Variants in MPRIP observed in about 807,000 individuals in gnomAD.
The protein encoded by MPRIP is myosin phosphatase Rho-interacting protein.
A neutral mutation model predicts 234.9 loss-of-function variants in MPRIP; 59 were observed. The ratio of observed to expected loss-of-function variants is 0.25; its 90% CI spans 0.20 to 0.31. The LOEUF (loss-of-function observed/expected upper bound fraction) is 0.31, where lower values mean the gene tolerates loss of function less well. Ranked by LOEUF, MPRIP falls within the 10% of genes least tolerant of loss-of-function variation. The pLI is 1.00. For synonymous variants in MPRIP, 1,144 were observed against 1,263.9 expected (o/e 0.91, Z 2.01); for missense variants, 2,436 against 3,071.0 (o/e 0.79, Z 4.89).
At chr17:17,126,957 C>T (rs1407510275) in intron 4 of MPRIP, 104 bp downstream of exon 4, 12 of 1,371,756 alleles carry the variant, frequency 8.7e-6, no homozygotes, top group African/African-American at 2.9e-5. Flanking sequence ...TCTACTTCCC[C>T]GTGTGCCTCT....
At chr17:17,046,770 T>C (rs1419869124) in intron 1 of MPRIP, among the ~76,000 whole-genome samples, 1 of 152,252 alleles carries the variant, frequency 6.6e-6, no homozygotes, top group Admixed American at 6.5e-5. Flanking sequence ...ATTTAGTGTC[T>C]GTGGGCTATA....
At chr17:17,073,208 G>C (rs1051522045) in intron 1 of MPRIP, among the ~76,000 whole-genome samples, 10 of 152,036 alleles carry the variant, frequency 6.6e-5, no homozygotes, top group Admixed American at 2.6e-4. Flanking sequence ...TCCACCCAGA[G>C]GCCCTACATC....
rs369269212 is a variant in MPRIP, at chr17:17,154,030, G to A, written c.1720-276G>A. 8.4e-4 allele frequency among the ~76,000 whole-genome samples: 127 copies of A among 150,974 alleles called. No homozygotes were observed. In the East Asian group the frequency reaches 9.6e-3, roughly 11 times the overall value. On this transcript the variant is annotated intron_variant, in intron 12 of 23. Coordinates refer to ENST00000651222, the MANE Select transcript of MPRIP (RefSeq NM_001364716.4). ...GTCTGAGTGGACAGGCTGCTGGTGC[G>A]TAGTGGGTGCTCAGTAACTGTGAGC... is the stretch of plus-strand genomic sequence containing the variant.
At position 17,090,283 on chromosome 17, in the gene MPRIP, G is replaced by A. The variant is rs1462623426; in HGVS notation, c.267+12207G>A. 5.3e-5 allele frequency among the ~76,000 whole-genome samples: 8 copies of A among 152,314 alleles called. No individual in the cohort carries two copies. The East Asian group carries it at 1.5e-3, about 29-fold the overall frequency. On this transcript the variant is annotated intron_variant, in intron 3 of 23. Coordinates refer to ENST00000651222, the MANE Select transcript of MPRIP (RefSeq NM_001364716.4). ...ACCTCCAACCAGCCGCACTAAGGCA[G>A]GCTTGTCCCGCAGGGGCAGAAGGGT... is the stretch of plus-strand genomic sequence containing the variant.
At chr17:17,073,688 G>A (rs1377802206) in intron 1 of MPRIP, among the ~76,000 whole-genome samples, 1 of 152,086 alleles carries the variant, frequency 6.6e-6, no homozygotes, top group East Asian at 1.9e-4. Flanking sequence ...AAGGCCTCTG[G>A]GTGGGGTCTG....
intron 1 of MPRIP, among the ~76,000 whole-genome samples, chr17:17,074,651 C>T (rs2144033178): frequency 6.6e-6 from 1 of 152,326 alleles, no homozygotes; most frequent in Admixed American, 6.5e-5. Context: ...ATTTCCTTTC[C>T]TCCAGTCCCT....
At chr17:17,132,910 GAGAA>G (rs2090625560) in intron 5 of MPRIP, among the ~76,000 whole-genome samples, 1 of 152,220 alleles carries the variant, frequency 6.6e-6, no homozygotes, top group Admixed American at 6.5e-5. Flanking sequence ...CCCAGTTGGA[GAGAA>G]ACAAAAAAAT....
At chr17:17,111,183 G>T (rs1461030510) in intron 3 of MPRIP, among the ~76,000 whole-genome samples, 2 of 139,624 alleles carry the variant, frequency 1.4e-5, no homozygotes, top group Admixed American at 1.4e-4. Flanking sequence ...AAACCTCTAG[G>T]CACAGTGTCG....
intron 3 of MPRIP, among the ~76,000 whole-genome samples, chr17:17,123,471 T>A (rs1292778003): frequency 6.6e-6 from 1 of 152,126 alleles, no homozygotes; most frequent in African/African-American, 2.4e-5. Flanking sequence ...GAGACCAGCC[T>A]GGCCAACATG....
At chr17:17,124,913 C>T (rs1325817936) in intron 3 of MPRIP, among the ~76,000 whole-genome samples, 2 of 152,196 alleles carry the variant, frequency 1.3e-5, no homozygotes, top group Admixed American at 1.3e-4. Flanking sequence ...CCAGGACCCC[C>T]ACCTTGGGCA....
chr17:17,043,950 G>C (rs1339159471), intron 1 of MPRIP, among the ~76,000 whole-genome samples: 1 of 152,184 alleles, frequency 6.6e-6, no homozygotes, highest in East Asian at 1.9e-4. Flanking sequence ...GTGTGACCTA[G>C]TTGTAGCCAC....
At chr17:17,072,845 C>T (rs945559024) in intron 1 of MPRIP, among the ~76,000 whole-genome samples, 8 of 152,116 alleles carry the variant, frequency 5.3e-5, no homozygotes, top group Non-Finnish European at 1.2e-4. Flanking sequence ...GCATCAGCTG[C>T]GCCCCTGCCC....
intron 21 of MPRIP, 123 bp from the exon 22 acceptor site, chr17:17,177,127 A>G (rs2046272063): frequency 2.1e-6 from 2 of 972,138 alleles, no homozygotes; most frequent in Non-Finnish European, 3.2e-6. Flanking sequence ...AGAGGTGAAC[A>G]AGCCTCCTCT....
chr17:17,102,689 C>CA (rs1474478747), intron 3 of MPRIP, among the ~76,000 whole-genome samples: 1 of 152,192 alleles, frequency 6.6e-6, no homozygotes, highest in African/African-American at 2.4e-5. Context: ...GACACAGGTA[C>CA]CCCTCACTCT....
chr17:17,073,615 C>T (rs1003622214), intron 1 of MPRIP, among the ~76,000 whole-genome samples: 1 of 152,072 alleles, frequency 6.6e-6, no homozygotes, highest in Non-Finnish European at 1.5e-5. Context: ...GGTGAGAGGC[C>T]GAGCTGGGAG....
At chr17:17,159,964 G>A (rs146689734) in intron 14 of MPRIP, among the ~76,000 whole-genome samples, 3 of 152,294 alleles carry the variant, frequency 2.0e-5, no homozygotes, top group African/African-American at 7.2e-5. Context: ...ACAAAGGCAA[G>A]ATGAAATAAA....
At chr17:17,081,264 A>G (rs139189991) in intron 3 of MPRIP, among the ~76,000 whole-genome samples, 44 of 152,302 alleles carry the variant, frequency 2.9e-4, no homozygotes, top group African/African-American at 9.6e-4. Context: ...TGGGCCCGTG[A>G]TAATTCTTGG....
In MPRIP at chr17:17,158,677, C is replaced by A. The variant is rs2045789497; in HGVS notation, c.2075C>A (p.Pro692His). 1 of 1,607,738 alleles carries A rather than the reference C, an allele frequency of 6.2e-7. No individual in the cohort carries two copies. The highest frequency in any genetic ancestry group is 8.5e-7 in the Non-Finnish European group (1 of 1,178,464). ...GCTGACACCCACGAGCCCCTGCGCCCTGAGGCGGAGCCTGGGGAGCTGGAG... is the reference window on the plus strand; with the variant it reads ...GCTGACACCCACGAGCCCCTGCGCCATGAGGCGGAGCCTGGGGAGCTGGAG... ...GPADTHEPLR[P>H]EAEPGELERE... Residue 692 changes from proline to histidine, a missense_variant, in exon 14 of 24, where the codon CCT (proline) becomes CAT (histidine). This residue lies in a region of MPRIP where 1,998 missense variants were observed against 2,520.3 expected (regional missense o/e 0.79). Transcript: ENST00000651222.
At chr17:17,162,175 C>A (rs1567762944) in intron 15 of MPRIP, among the ~76,000 whole-genome samples, 1 of 152,214 alleles carries the variant, frequency 6.6e-6, no homozygotes, top group Non-Finnish European at 1.5e-5. Context: ...ACATTAGAAT[C>A]AAGGTCCTAG....
Sources: allele counts gnomAD v4.1 joint callset (sites outside exome capture counted in the v4.1 genomes callset), GRCh38; gene constraint gnomAD v4.1.1; regional missense constraint gnomAD v4.1.1; transcripts MANE v1.5; gene names NCBI Gene and HGNC (gene_info 2026-07-23, HGNC 2026-07-21).